LHFPL6: variants seen among roughly 807,000 people sequenced by gnomAD.
LHFPL6 encodes LHFPL tetraspan subfamily member 6, also known as LHFPL tetraspan subfamily member 6 protein.
In LHFPL6, 9 loss-of-function variants were observed where a neutral mutation model predicts 20.6. That is an observed-to-expected ratio of 0.44 (90% CI 0.26 to 0.76). LHFPL6 has a LOEUF of 0.76. Ranked by LOEUF, LHFPL6 falls within the 30% of genes least tolerant of loss-of-function variation. LHFPL6 has a pLI of 0.20. For synonymous variants in LHFPL6, 105 were observed against 98.7 expected (o/e 1.06, Z -0.38); for missense variants, 218 against 253.5 (o/e 0.86, Z 0.95).
chr13:39,476,054 GAATT>G (rs1171381988), intron 2 of LHFPL6, among the ~76,000 whole-genome samples: 3 of 152,038 alleles, frequency 2.0e-5, no homozygotes, highest in Non-Finnish European at 4.4e-5. Flanking sequence ...TGAACTAAAA[GAATT>G]AATTACCTTT....
rs1425889173 is a variant in LHFPL6, at chr13:39,544,886, T to C, written c.385+55946A>G. On this transcript the variant is annotated intron_variant, in intron 2 of 3. Coordinates refer to ENST00000379589, the MANE Select transcript of LHFPL6 (RefSeq NM_005780.3). ...GGTTATTTAATAAATAACACCAAAC[T>C]TACTACAAATAGGCAAACATCCAAC... 2.6e-5 allele frequency among the ~76,000 whole-genome samples: 4 copies of C among 151,980 alleles called. No homozygotes were observed. The East Asian group carries it at 7.7e-4, about 29-fold the overall frequency.
intron 2 of LHFPL6, among the ~76,000 whole-genome samples, chr13:39,518,847 T>C (rs1003951129): frequency 2.4e-4 from 37 of 152,216 alleles, no homozygotes; most frequent in African/African-American, 8.7e-4. Flanking sequence ...TCCCTGAAGT[T>C]GGACAATTAA....
chr13:39,449,373 C>T (rs1872380465), intron 2 of LHFPL6, among the ~76,000 whole-genome samples: 1 of 152,140 alleles, frequency 6.6e-6, no homozygotes, highest in African/African-American at 2.4e-5. Context: ...AAAAAATGTC[C>T]TCATTTGTCC....
At chr13:39,429,262 A>T (rs865907464) in intron 2 of LHFPL6, among the ~76,000 whole-genome samples, 2 of 151,414 alleles carry the variant, frequency 1.3e-5, no homozygotes, top group South Asian at 2.1e-4. Flanking sequence ...GGATTTCTCT[A>T]TTTTTCCTTG....
chr13:39,571,738 G>A (rs371882871), intron 2 of LHFPL6, among the ~76,000 whole-genome samples: 19 of 152,348 alleles, frequency 1.2e-4, no homozygotes, highest in East Asian at 3.9e-4. Context: ...ACCGCTGTCC[G>A]TGGACAGTGG....
At chr13:39,383,677 C>A (rs924675857) in intron 2 of LHFPL6, among the ~76,000 whole-genome samples, 1 of 152,194 alleles carries the variant, frequency 6.6e-6, no homozygotes. Context: ...CTTTAAAGTT[C>A]TTCCTTTTAG....
intron 2 of LHFPL6, among the ~76,000 whole-genome samples, chr13:39,493,220 G>A (rs1868986107): frequency 6.7e-6 from 1 of 149,212 alleles, no homozygotes; most frequent in African/African-American, 2.5e-5. Flanking sequence ...TATAATCCCA[G>A]CACTTTGGGA....
chr13:39,452,580 G>A (rs1327691392), intron 2 of LHFPL6, among the ~76,000 whole-genome samples: 1 of 152,194 alleles, frequency 6.6e-6, no homozygotes, highest in Non-Finnish European at 1.5e-5. Context: ...CTCACATGGA[G>A]TGTGGGGTGA....
At chr13:39,479,118 C>CATCTATCTATCTATCT (rs71077302) in intron 2 of LHFPL6, among the ~76,000 whole-genome samples, 67 of 121,642 alleles carry the variant, frequency 5.5e-4, no homozygotes, top group Middle Eastern at 4.1e-3. Context: ...TCTATCCATC[C>CATCTATCTATCTATCT]ATCTATCTAT....
chr13:39,565,636 T>C (rs9576864), intron 2 of LHFPL6, among the ~76,000 whole-genome samples: 13,570 of 152,324 alleles, frequency 0.089, 705 homozygotes, highest in East Asian at 0.23. Flanking sequence ...GAATGAACAT[T>C]TGATTATTAT....
At chr13:39,363,620 G>A (rs563581634) in intron 3 of LHFPL6, among the ~76,000 whole-genome samples, 4 of 152,094 alleles carry the variant, frequency 2.6e-5, no homozygotes, top group Admixed American at 1.3e-4. Flanking sequence ...CCAGGACACC[G>A]ACAGGGCTTT....
rs1415406896 is a variant in LHFPL6, at chr13:39,352,939, G to GTA, written c.485-8886_485-8885insTA. Reference sequence around the variant, plus strand: ...TATATATATAAATGTATATATATGTGTGTATATATATATACATACATACAC... The same window carrying GTA: ...TATATATATAAATGTATATATATGTGTATGTATATATATATACATACATACAC... On this transcript the variant is annotated intron_variant, in intron 3 of 3. Transcript: ENST00000379589. 5.7e-4 allele frequency among the ~76,000 whole-genome samples: 28 copies of GTA among 49,084 alleles called. 2 individuals are homozygous for GTA. In the East Asian group the frequency reaches 8.8e-3, roughly 15 times the overall value. The allele number at this position is 49,084 out of a possible 152,430, so 32.2% of individuals were successfully genotyped here.
At chr13:39,376,882 C>T (rs984462705) in intron 3 of LHFPL6, among the ~76,000 whole-genome samples, 2 of 152,050 alleles carry the variant, frequency 1.3e-5, no homozygotes, top group African/African-American at 4.8e-5. Context: ...GACATGCTAC[C>T]GTAAAATGCA....
chr13:39,498,163 T>C (rs1046046109), intron 2 of LHFPL6, among the ~76,000 whole-genome samples: 4 of 152,254 alleles, frequency 2.6e-5, no homozygotes, highest in Admixed American at 1.3e-4. Flanking sequence ...CTTCTGGTGA[T>C]TACTCCCAAA....
chr13:39,413,473 G>T (rs7982478), intron 2 of LHFPL6, among the ~76,000 whole-genome samples: 21,303 of 131,146 alleles, frequency 0.16, 2,132 homozygotes, highest in African/African-American at 0.29. Context: ...GGTAGGGGGG[G>T]TGGGTCTCAC....
chr13:39,411,667 G>C (rs4142534), intron 2 of LHFPL6, among the ~76,000 whole-genome samples: 18,758 of 152,174 alleles, frequency 0.12, 1,505 homozygotes, highest in East Asian at 0.33. Flanking sequence ...ATGATTACTG[G>C]GGCCTGATTG....
chr13:39,495,464 A>G (rs1218131986), intron 2 of LHFPL6, among the ~76,000 whole-genome samples: 1 of 152,194 alleles, frequency 6.6e-6, no homozygotes, highest in Non-Finnish European at 1.5e-5. Flanking sequence ...TCATTGAGTG[A>G]TCACAATATT....
intron 2 of LHFPL6, among the ~76,000 whole-genome samples, chr13:39,528,660 A>C (rs1205190323): frequency 6.6e-6 from 1 of 152,254 alleles, no homozygotes; most frequent in Admixed American, 6.5e-5. Context: ...CAGGCAAGAT[A>C]AAACATAGTG....
chr13:39,399,721 C>G (rs1386996668), intron 2 of LHFPL6, among the ~76,000 whole-genome samples: 1 of 152,192 alleles, frequency 6.6e-6, no homozygotes, highest in Admixed American at 6.5e-5. Context: ...AAGATAAATT[C>G]TGGCATCATC....
Sources: gnomAD v4.1 joint callset for allele counts (sites outside exome capture counted in the v4.1 genomes callset) on GRCh38, gnomAD v4.1.1 for gene constraint, MANE v1.5 for transcripts, NCBI Gene and HGNC (gene_info 2026-07-23, HGNC 2026-07-21) for gene names.